DNAJC7: variants seen among roughly 807,000 people sequenced by gnomAD.
DNAJC7 encodes the protein dnaJ homolog subfamily C member 7.
In DNAJC7, 18 loss-of-function variants were observed where a neutral mutation model predicts 67.4. The ratio of observed to expected loss-of-function variants is 0.27; its 90% CI spans 0.18 to 0.40. DNAJC7 has a LOEUF of 0.40. Among genes scored for constraint, DNAJC7 ranks in the 10% least tolerant of loss-of-function variants. The pLI is 1.00. For synonymous variants in DNAJC7, 220 were observed against 207.8 expected, an observed-to-expected ratio of 1.06 and a Z score of -0.50; for missense variants, 419 against 613.8, an observed-to-expected ratio of 0.68 and a Z score of 3.35.
chr17:41,989,745 T>A (rs886912906), intron 6 of DNAJC7, among the ~76,000 whole-genome samples, 188 bp from the exon 7 acceptor site: 2 of 152,232 alleles, frequency 1.3e-5, no homozygotes, highest in Non-Finnish European at 2.9e-5. Flanking sequence ...TTAATACACA[T>A]CTTGTGTCTT....
At chr17:42,000,667 C>CTAACTTTCAGCTCAG in intron 1 of DNAJC7, 97 bp from the exon 2 acceptor site, 1 of 873,234 alleles carries the variant, frequency 1.1e-6, no homozygotes, top group Non-Finnish European at 1.8e-6. Flanking sequence ...CCGCAGCACA[C>CTAACTTTCAGCTCAG]TGAGCTGAAA....
At chr17:42,010,814 CA>C (rs1462998866) in intron 1 of DNAJC7, among the ~76,000 whole-genome samples, 1 of 152,186 alleles carries the variant, frequency 6.6e-6, no homozygotes, top group Non-Finnish European at 1.5e-5. Flanking sequence ...TTGTAAGTCA[CA>C]TGCCAATAGA....
chr17:41,981,530 A>G (rs1030506137), intron 12 of DNAJC7: 1 of 228,868 alleles, frequency 4.4e-6, no homozygotes. Flanking sequence ...GGGTTTCACC[A>G]TGTTGGCCAG....
At chr17:41,990,025 C>A (rs1392017854) in intron 6 of DNAJC7, among the ~76,000 whole-genome samples, 1 of 152,218 alleles carries the variant, frequency 6.6e-6, no homozygotes, top group Non-Finnish European at 1.5e-5. Flanking sequence ...AACAAACAAA[C>A]AAAACCACAA....
chr17:41,994,519 C>CAAAAA (rs68006925), intron 5 of DNAJC7, among the ~76,000 whole-genome samples: 5 of 37,888 alleles, frequency 1.3e-4, no homozygotes, highest in Non-Finnish European at 1.8e-4. Flanking sequence ...GACTAGGCCT[C>CAAAAA]AAAAAAAAAA....
intron 12 of DNAJC7, among the ~76,000 whole-genome samples, chr17:41,977,927 G>C (rs1299597331): frequency 1.3e-5 from 2 of 152,054 alleles, no homozygotes; most frequent in African/African-American, 4.8e-5. Flanking sequence ...CTGCACCCCA[G>C]CCTGGGTGAC....
At chr17:42,009,874 G>A (rs895654780) in intron 1 of DNAJC7, among the ~76,000 whole-genome samples, 1 of 152,254 alleles carries the variant, frequency 6.6e-6, no homozygotes, top group Admixed American at 6.5e-5. Flanking sequence ...CCCTGGCGCA[G>A]TGGCTCACGC....
intron 8 of DNAJC7, among the ~76,000 whole-genome samples, chr17:41,988,148 T>C (rs537776137): frequency 1.4e-4 from 21 of 152,340 alleles, no homozygotes; most frequent in Admixed American, 9.8e-4. Context: ...TACCATTCCA[T>C]GTTAGTGCCC....
At chr17:42,015,063 T>G (rs1197256551) in intron 1 of DNAJC7, 2 of 151,986 alleles carry the variant, frequency 1.3e-5, no homozygotes, top group Non-Finnish European at 2.9e-5. Flanking sequence ...CACTGCAACC[T>G]CCACCTCCTG....
At chr17:42,013,220 G>A (rs149534953) in intron 1 of DNAJC7, 1 of 152,346 alleles carries the variant, frequency 6.6e-6, no homozygotes, top group East Asian at 1.9e-4. Flanking sequence ...TTACAGGCAT[G>A]AGCCACTAAG....
intron 1 of DNAJC7, among the ~76,000 whole-genome samples, chr17:42,002,547 C>T (rs2051836296): frequency 6.6e-6 from 1 of 152,158 alleles, no homozygotes; most frequent in African/African-American, 2.4e-5. Flanking sequence ...AGGCCAGGTA[C>T]TTTCCATACA....
intron 1 of DNAJC7, chr17:42,016,953 G>A: frequency 8.5e-7 from 1 of 1,182,914 alleles, no homozygotes; most frequent in Non-Finnish European, 1.1e-6. Flanking sequence ...GTGCAGACAG[G>A]CAACAATGCA....
At chr17:41,996,455 G>T in intron 3 of DNAJC7, 31 bp from the exon 4 acceptor site, 1 of 1,589,986 alleles carries the variant, frequency 6.3e-7, no homozygotes, top group Non-Finnish European at 8.6e-7. Flanking sequence ...AAGAAAAGAA[G>T]CATGATTGGC....
intron 1 of DNAJC7, chr17:42,000,857 C>T (rs919331256): frequency 2.3e-5 from 5 of 219,574 alleles, no homozygotes; most frequent in Non-Finnish European, 4.5e-5. Context: ...TGCCTGTAGT[C>T]ATCCTCCCCG....
Position 41,976,616 on chromosome 17 carries a change from A to G in DNAJC7, c.*117T>C. On this transcript the variant is annotated 3_prime_UTR_variant, in exon 14 of 14. Transcript: ENST00000457167. ...AGAGACACAGGGCATCCAACTGAGA[A>G]AACGAAACTGCTCTAAGCACACGGA... 1 of 1,382,848 alleles carries G rather than the reference A, an allele frequency of 7.2e-7. No homozygotes were observed. Among genetic ancestry groups the G allele is most frequent in the Non-Finnish European group, 9.8e-7 (1 of 1,020,152 alleles). 85.7% of individuals were successfully genotyped at this position (1,382,848 alleles called of 1,614,324 possible). A position where few individuals can be genotyped will look rare whatever the true frequency, so the allele number is the denominator to read the frequency against.
chr17:41,984,752 A>T (rs1233268798), intron 9 of DNAJC7: 1 of 152,168 alleles, frequency 6.6e-6, no homozygotes, highest in Non-Finnish European at 1.5e-5. Flanking sequence ...GGGGAATGGG[A>T]AGTGATCATG....
In DNAJC7 at chr17:41,976,478, TA is replaced by T; in HGVS notation, c.*254del. 1 of 473,848 alleles carries T rather than the reference TA, an allele frequency of 2.1e-6. No homozygotes were observed. Among genetic ancestry groups the T allele is most frequent in the East Asian group, 4.1e-5 (1 of 24,616 alleles). 29.4% of individuals were successfully genotyped at this position (473,848 alleles called of 1,614,324 possible). A position where few individuals can be genotyped will look rare whatever the true frequency, so the allele number is the denominator to read the frequency against. ...TTTATTCTCTTTTTTTTTTCTTTTT[TA>T]ATAAAGTTAAACAGTAAAACAAAAA... On this transcript the variant is annotated 3_prime_UTR_variant, in exon 14 of 14. Transcript: ENST00000457167.
intron 1 of DNAJC7, among the ~76,000 whole-genome samples, chr17:42,002,483 C>G (rs1439514210): frequency 6.6e-6 from 1 of 152,124 alleles, no homozygotes; most frequent in Non-Finnish European, 1.5e-5. Flanking sequence ...TCAGGACTGG[C>G]TTCTAGAAAA....
Position 42,002,700 on chromosome 17 carries a change from T to C in DNAJC7, c.78-2130A>G, listed in dbSNP as rs2051841225. On this transcript the variant is annotated intron_variant, in intron 1 of 13. Coordinates refer to ENST00000457167, the MANE Select transcript of DNAJC7 (RefSeq NM_003315.4). ...AATACAAAGCTTGTGCACTTTCTAC[T>C]ATGCCAAGCTTTCTCTCTAATGCTT... Among the ~76,000 whole-genome samples the C allele has an allele frequency of 2.0e-5, 3 of 152,244 alleles. No homozygotes were observed. The South Asian group carries it at 6.2e-4, about 31-fold the overall frequency.
Sources: allele counts gnomAD v4.1 joint callset (sites outside exome capture counted in the v4.1 genomes callset), GRCh38; gene constraint gnomAD v4.1.1; transcripts MANE v1.5; gene names NCBI Gene and HGNC (gene_info 2026-07-23, HGNC 2026-07-21).